Variants in REC114 observed in about 807,000 individuals in gnomAD.
REC114 encodes the protein REC114 meiotic recombination protein, also known as meiotic recombination protein REC114.
A neutral mutation model predicts 31.3 loss-of-function variants in REC114; 27 were observed. The ratio of observed to expected loss-of-function variants is 0.86; its 90% CI spans 0.64 to 1.19. REC114 has a LOEUF of 1.19. Among genes scored for constraint, REC114 ranks in the 50% most tolerant of loss-of-function variants. The pLI is 0.00. For synonymous variants in REC114, 134 were observed against 127.7 expected, an observed-to-expected ratio of 1.05 and a Z score of -0.33; for missense variants, 344 against 326.9, an observed-to-expected ratio of 1.05 and a Z score of -0.40.
intron 1 of REC114, among the ~76,000 whole-genome samples, chr15:73,445,559 C>CGATT (rs1278845838): frequency 2.0e-5 from 3 of 152,162 alleles, no homozygotes; most frequent in Non-Finnish European, 4.4e-5. Flanking sequence ...TAAGCTTAAT[C>CGATT]ATTTCTAGCT....
intron 2 of REC114, among the ~76,000 whole-genome samples, chr15:73,489,014 C>G (rs74683991): frequency 0.011 from 1,691 of 152,146 alleles, 39 homozygotes; most frequent in African/African-American, 0.039. Flanking sequence ...AAATGTATTT[C>G]TTATAGTTCT....
chr15:73,556,444 A>T (rs1291096345), intron 5 of REC114, 53 bp downstream of exon 5: 6 of 1,423,356 alleles, frequency 4.2e-6, no homozygotes, highest in Non-Finnish European at 5.9e-6. Flanking sequence ...AGTGACCCCT[A>T]AGAATTTGTA....
chr15:73,559,645 G>A (rs1241315443), intron 5 of REC114, 107 bp from the exon 6 acceptor site: 2 of 956,852 alleles, frequency 2.1e-6, no homozygotes, highest in Non-Finnish European at 3.0e-6. Flanking sequence ...TAATTTTTTT[G>A]GTGTGTATTT....
chr15:73,559,652 A>G (rs1183231953), intron 5 of REC114, 100 bp from the exon 6 acceptor site: 2 of 1,114,092 alleles, frequency 1.8e-6, no homozygotes, highest in Non-Finnish European at 2.5e-6. Flanking sequence ...TTTGGTGTGT[A>G]TTTCGCTAAT....
intron 2 of REC114, among the ~76,000 whole-genome samples, chr15:73,492,477 A>G (rs574967790): frequency 1.9e-4 from 29 of 152,172 alleles, no homozygotes; most frequent in Non-Finnish European, 3.7e-4. Context: ...GGACACTTGT[A>G]TGTGTTTTTG....
At chr15:73,487,811 C>T (rs571928932) in intron 2 of REC114, among the ~76,000 whole-genome samples, 7 of 152,368 alleles carry the variant, frequency 4.6e-5, no homozygotes, top group East Asian at 1.9e-4. Flanking sequence ...GCCCTGCATC[C>T]GTGGCTTCAC....
intron 1 of REC114, among the ~76,000 whole-genome samples, chr15:73,451,349 A>G (rs78835021): frequency 1.3e-5 from 2 of 152,236 alleles, no homozygotes; most frequent in Admixed American, 1.3e-4. Flanking sequence ...AATACTATAA[A>G]CACCTCTACA....
chr15:73,455,287 G>A (rs919938716), intron 1 of REC114, among the ~76,000 whole-genome samples: 8 of 152,098 alleles, frequency 5.3e-5, no homozygotes, highest in Admixed American at 2.0e-4. Context: ...AAAAAAAGAG[G>A]TTAGGTAAAG....
In REC114 at chr15:73,551,040, G is replaced by C; in HGVS notation, c.436G>C (p.Val146Leu). The C allele has an allele frequency of 6.2e-7, 1 of 1,613,866 alleles. No homozygotes were observed. Among genetic ancestry groups the C allele is most frequent in the African/African-American group, 1.3e-5 (1 of 75,044 alleles). The change falls in exon 4 of 6, where the codon GTG becomes CTG. Residue 146 changes from valine (V) to leucine (L), a missense_variant. Val to Leu is a conservative substitution (Grantham distance 32, BLOSUM62 1). Coordinates refer to ENST00000331090, the MANE Select transcript of REC114 (RefSeq NM_001042367.2). ...TCAGAAGCTGGCACAATACATAACCGTGCAGGTGCCTGATGGAAACATCCA... is the reference window on the plus strand; with the variant it reads ...TCAGAAGCTGGCACAATACATAACCCTGCAGGTGCCTGATGGAAACATCCA... ...CVQKLAQYIT[V>L]QVPDGNIQEL...
Position 73,560,000 on chromosome 15 carries a change from G to C in REC114, c.*84G>C. ...AAATTAAAGAAGATATTAGAATAAA[G>C]AGTATTATCCAAACACCTTTTATCA... On this transcript the variant is annotated 3_prime_UTR_variant, in exon 6 of 6. Transcript: ENST00000331090. 1 of 1,312,932 alleles carries C rather than the reference G, an allele frequency of 7.6e-7. No homozygotes were observed. Among genetic ancestry groups the C allele is most frequent in the Non-Finnish European group, 1.0e-6 (1 of 960,756 alleles). 81.3% of individuals were successfully genotyped at this position (1,312,932 alleles called of 1,614,324 possible).
intron 2 of REC114, among the ~76,000 whole-genome samples, chr15:73,540,264 GA>G (rs373315906): frequency 3.9e-5 from 6 of 151,912 alleles, no homozygotes; most frequent in African/African-American, 1.4e-4. Flanking sequence ...AAAAGATTAA[GA>G]AAAAAAAGTT....
At chr15:73,531,960 G>A (rs1894090152) in intron 2 of REC114, among the ~76,000 whole-genome samples, 1 of 149,040 alleles carries the variant, frequency 6.7e-6, no homozygotes, top group South Asian at 2.1e-4. Flanking sequence ...TGGTAAATTA[G>A]CATTTCCTAG....
chr15:73,447,188 A>G (rs1892776819), intron 1 of REC114, among the ~76,000 whole-genome samples: 1 of 152,172 alleles, frequency 6.6e-6, no homozygotes, highest in South Asian at 2.1e-4. Flanking sequence ...TTTTGGATGT[A>G]TTGAATTTCA....
chr15:73,507,223 TTAAA>T (rs1411179787), intron 2 of REC114, among the ~76,000 whole-genome samples: 1 of 152,238 alleles, frequency 6.6e-6, no homozygotes, highest in African/African-American at 2.4e-5. Flanking sequence ...TATATATAAC[TTAAA>T]TAAAAATATA....
intron 3 of REC114, among the ~76,000 whole-genome samples, chr15:73,545,934 G>T (rs549403949): frequency 6.6e-6 from 1 of 152,212 alleles, no homozygotes; most frequent in East Asian, 1.9e-4. Flanking sequence ...CTGTAAACAA[G>T]AAATCAGTTT....
intron 3 of REC114, among the ~76,000 whole-genome samples, chr15:73,542,339 AAAAAG>A (rs1413699320): frequency 6.1e-5 from 1 of 16,526 alleles, no homozygotes; most frequent in Non-Finnish European, 3.1e-4. Flanking sequence ...TCAAAAAAAA[AAAAAG>A]AAAAAAAAAA....
intron 1 of REC114, among the ~76,000 whole-genome samples, chr15:73,454,160 A>G (rs938057840): frequency 1.3e-5 from 2 of 152,172 alleles, no homozygotes; most frequent in Non-Finnish European, 2.9e-5. Context: ...ATAAATAAAT[A>G]AAAGATTGAC....
chr15:73,481,394 CA>C (rs1158756190), intron 2 of REC114, among the ~76,000 whole-genome samples: 1 of 152,048 alleles, frequency 6.6e-6, no homozygotes, highest in Non-Finnish European at 1.5e-5. Flanking sequence ...CAACTGGGGA[CA>C]TCACTGCCAG....
chr15:73,461,088 T>C (rs80013269), intron 1 of REC114, among the ~76,000 whole-genome samples: 27 of 151,424 alleles, frequency 1.8e-4, no homozygotes, highest in Non-Finnish European at 3.4e-4. Flanking sequence ...AAAAGTTCTC[T>C]ATATATATGA....
Sources: allele counts gnomAD v4.1 joint callset (sites outside exome capture counted in the v4.1 genomes callset), GRCh38; gene constraint gnomAD v4.1.1; transcripts MANE v1.5; gene names NCBI Gene and HGNC (gene_info 2026-07-23, HGNC 2026-07-21).